Variants in TNK2 observed in about 807,000 individuals in gnomAD.
TNK2 encodes activated CDC42 kinase 1.
A neutral mutation model predicts 101.8 loss-of-function variants in TNK2; 83 were observed. The ratio of observed to expected loss-of-function variants is 0.82; its 90% CI spans 0.68 to 0.98. TNK2 has a LOEUF of 0.98. Ranked by LOEUF, TNK2 falls within the 50% of genes least tolerant of loss-of-function variation. The pLI is 0.00. For synonymous variants in TNK2, 804 were observed against 633.0 expected (o/e 1.27, Z -4.06); for missense variants, 1,665 against 1,483.2 (o/e 1.12, Z -2.01).
chr3:195,868,932 C>T (rs951389303), intron 12 of TNK2: 27 of 564,282 alleles, frequency 4.8e-5, no homozygotes, highest in East Asian at 2.6e-4. Flanking sequence ...CCATGTGGGC[C>T]GGTGAGCCCC....
chr3:195,889,272 A>G (rs932812440), intron 1 of TNK2, among the ~76,000 whole-genome samples: 4 of 152,202 alleles, frequency 2.6e-5, no homozygotes, highest in Non-Finnish European at 5.9e-5. Context: ...GATCCCATCA[A>G]TGGTTGTCAG....
rs756342369 is a variant in TNK2, at chr3:195,887,089, T to TAGCCCGAGAGAGGCTGCTGC, written c.164-62_164-43dup. On this transcript the variant is annotated intron_variant, in intron 2 of 15. Coordinates refer to ENST00000672887, the MANE Select transcript of TNK2 (RefSeq NM_001382273.1). ...GAACCGCGTGCTGTGAAGGCCGCCG[T>TAGCCCGAGAGAGGCTGCTGC]AGCCCGAGAGAGGCTGCTGCCTGTG... 1.9e-5 allele frequency: 30 copies of TAGCCCGAGAGAGGCTGCTGC among 1,605,766 alleles called. No homozygotes were observed. In the South Asian group the frequency reaches 3.3e-4, roughly 18 times the overall value.
intron 9 of TNK2, among the ~76,000 whole-genome samples, chr3:195,873,778 C>T (rs1577024115): frequency 6.6e-6 from 1 of 152,066 alleles, no homozygotes; most frequent in African/African-American, 2.4e-5. Context: ...ACAGCCCATC[C>T]CAGAGACCAA....
intron 1 of TNK2, among the ~76,000 whole-genome samples, chr3:195,901,646 T>C (rs573894183): frequency 1.0e-3 from 155 of 152,218 alleles, no homozygotes; most frequent in Non-Finnish European, 1.8e-3. Context: ...GCAGAAGTCA[T>C]AGCCTGGGTC....
At chr3:195,887,740 T>C (rs1756354883) in intron 2 of TNK2, among the ~76,000 whole-genome samples, 1 of 139,302 alleles carries the variant, frequency 7.2e-6, no homozygotes, top group Non-Finnish European at 1.6e-5. Context: ...TGTATGTGCG[T>C]GTGTGTGCAC....
At chr3:195,876,672 CA>C (rs1201625308) in intron 9 of TNK2, 1 of 454,788 alleles carries the variant, frequency 2.2e-6, no homozygotes, top group African/African-American at 2.0e-5. Flanking sequence ...GCTGGTGGCC[CA>C]GGGGGAAGGA....
intron 4 of TNK2, chr3:195,883,530 C>A (rs1185199343): frequency 3.7e-6 from 2 of 541,988 alleles, no homozygotes; most frequent in South Asian, 4.8e-5. Flanking sequence ...GGCCACACCT[C>A]CCCTTCCTGG....
intron 1 of TNK2, among the ~76,000 whole-genome samples, chr3:195,889,194 G>A (rs1372666008): frequency 6.6e-6 from 1 of 152,014 alleles, no homozygotes; most frequent in African/African-American, 2.4e-5. Flanking sequence ...GCCACAGCAA[G>A]CGGAAGACAG....
rs781238826 is a variant in TNK2 at position 195,867,551 on chromosome 3, G to A, written c.2747C>T (p.Ala916Val). ...CACGGTGGCCGTGGGGGCGGCGGGG[G>A]CTGGGGTGCTGGGTGGGGGCAGCAG... ...PLLLPPPSTP[A>V]PAAPTATVRP... Residue 916 changes from alanine (A) to valine (V), a missense_variant, in exon 13 of 16, where the codon GCC becomes GTC. Coordinates refer to ENST00000672887, the MANE Select transcript of TNK2 (RefSeq NM_001382273.1). The A allele has an allele frequency of 5.2e-6, 8 of 1,550,384 alleles. No homozygotes were observed. The highest frequency in any genetic ancestry group is 2.3e-5 in the East Asian group (1 of 43,518).
rs184306018 is a variant in TNK2, at chr3:195,888,129, G to A, written c.163+297C>T. On this transcript the variant is annotated intron_variant, in intron 2 of 15. Coordinates refer to ENST00000672887, the MANE Select transcript of TNK2 (RefSeq NM_001382273.1). This position sits in a 1 kb window ranked among gnomAD's most constrained non-coding sequence, Gnocchi z 5.3. Reference sequence around the variant, plus strand: ...AGAATGATGAGAACAGACTCAATTCGATGCTTATGAAGGAGGGGCAATGGA... The same window carrying A: ...AGAATGATGAGAACAGACTCAATTCAATGCTTATGAAGGAGGGGCAATGGA... 6.6e-6 allele frequency among the ~76,000 whole-genome samples: 1 copy of A among 152,240 alleles called. No homozygotes were observed. Among genetic ancestry groups the A allele is most frequent in the Non-Finnish European group, 1.5e-5 (1 of 67,990 alleles).
Position 195,868,169 on chromosome 3 carries a change from C to T in TNK2, c.2129G>A (p.Gly710Asp), listed in dbSNP as rs1192168006. 1.9e-6 allele frequency: 3 copies of T among 1,610,060 alleles called. No homozygotes were observed. The highest frequency in any genetic ancestry group is 1.1e-5 in the South Asian group (1 of 90,822). Residue 710 changes from glycine to aspartate, a missense_variant, in exon 13 of 16, where the codon GGC becomes GAC. By Grantham distance (94) the Gly-to-Asp change is moderately conservative. Around this residue, in one of 3 missense-constraint regions of TNK2, gnomAD observed 1,136 missense variants for 894.9 expected, o/e 1.27. Coordinates refer to ENST00000672887, the MANE Select transcript of TNK2 (RefSeq NM_001382273.1). ...DNLFLPPQGG[G>D]KPPSSAQTAE... Reference sequence around the variant, plus strand: ...GGTCTGTGCGGAGCTGGGCGGCTTGCCCCCACCCTGGGGCGGGAGGAACAG... The same window carrying T: ...GGTCTGTGCGGAGCTGGGCGGCTTGTCCCCACCCTGGGGCGGGAGGAACAG...
Position 195,867,370 on chromosome 3 carries a change from C to G in TNK2, c.2928G>C (p.Lys976Asn), listed in dbSNP as rs201293924. Residue 976 changes from lysine to asparagine, a missense_variant, in exon 13 of 16, where the codon AAG becomes AAC. Physicochemically the swap from Lys to Asn is moderately conservative, Grantham distance 94 (BLOSUM62 0). Transcript: ENST00000672887. The part of the protein sequence containing the change: ...DGPEAGRPAD[K>N]IQMLQAMVHG... ...CAGGCTGGGTGCTCACCATCTGGAT[C>G]TTGTCTGCTGGCCGGCCCGCCTCTG... 1.1e-3 allele frequency: 1,749 copies of G among 1,606,930 alleles called. 20 individuals are homozygous for G. The African/African-American group carries it at 0.021, about 19-fold the overall frequency.
In TNK2 at chr3:195,878,724, C is replaced by A; in HGVS notation, c.1015-132G>T. On this transcript the variant is annotated intron_variant, in intron 7 of 15. Coordinates refer to ENST00000672887, the MANE Select transcript of TNK2 (RefSeq NM_001382273.1). This position sits in a 1 kb window ranked among gnomAD's most constrained non-coding sequence, Gnocchi z 4.7. ...GGCCTCCAAAGAAGGGATCTGCCTG[C>A]CTGGGAGGGGCCCTCTCCAGAGCCC... The A allele has an allele frequency of 7.3e-7, 1 of 1,361,314 alleles. No individual in the cohort carries two copies. The highest frequency in any genetic ancestry group is 1.4e-5 in the South Asian group (1 of 70,918). The allele number at this position is 1,361,314 out of a possible 1,614,324, so 84.3% of individuals were successfully genotyped here.
At chr3:195,872,843 A>C in intron 9 of TNK2, 3 of 212,958 alleles carry the variant, frequency 1.4e-5, no homozygotes, top group Non-Finnish European at 1.9e-5. Context: ...CCCCGCCCAC[A>C]CCTCCTCCTC....
intron 9 of TNK2, among the ~76,000 whole-genome samples, chr3:195,873,401 C>T (rs1235549972): frequency 6.6e-6 from 1 of 151,984 alleles, no homozygotes; most frequent in Non-Finnish European, 1.5e-5. Context: ...TACGTGATGC[C>T]GTGAGCAGAG....
intron 1 of TNK2, chr3:195,895,182 G>T: frequency 7.1e-7 from 1 of 1,418,262 alleles, no homozygotes; most frequent in Non-Finnish European, 9.3e-7. Context: ...GCTGAGCCCG[G>T]CTCACAGCAG....
intron 9 of TNK2, among the ~76,000 whole-genome samples, chr3:195,877,986 C>T (rs1249602485): frequency 6.6e-6 from 1 of 152,118 alleles, no homozygotes; most frequent in Non-Finnish European, 1.5e-5. Flanking sequence ...AGGCCACTCC[C>T]TACCCCTCCA....
chr3:195,893,376 C>A (rs1469110098), intron 1 of TNK2, among the ~76,000 whole-genome samples: 1 of 151,976 alleles, frequency 6.6e-6, no homozygotes, highest in African/African-American at 2.4e-5. Context: ...GTCTGCTGCC[C>A]AAACACCCAG....
At chr3:195,900,055 A>G (rs1761045679) in intron 1 of TNK2, among the ~76,000 whole-genome samples, 1 of 152,168 alleles carries the variant, frequency 6.6e-6, no homozygotes, top group Non-Finnish European at 1.5e-5. Context: ...CCCCAGACCC[A>G]CTAAGCAACT....
Sources: allele counts gnomAD v4.1 joint callset (sites outside exome capture counted in the v4.1 genomes callset), GRCh38; gene constraint gnomAD v4.1.1; regional missense constraint gnomAD v4.1.1; non-coding constraint Gnocchi (gnomAD v3.1); transcripts MANE v1.5; gene names NCBI Gene and HGNC (gene_info 2026-07-23, HGNC 2026-07-21).